Variants in CFAP221 observed in about 807,000 individuals in gnomAD.
The protein encoded by CFAP221 is cilia and flagella associated protein 221.
CFAP221 carries 97 observed loss-of-function variants against 113.1 expected under a neutral mutation model. The observed-to-expected ratio is 0.86, with a 90% CI of 0.73 to 1.02. The LOEUF (loss-of-function observed/expected upper bound fraction) is 1.02, where lower values mean the gene tolerates loss of function less well. Among genes scored for constraint, CFAP221 ranks in the 50% least tolerant of loss-of-function variants. The probability of loss-of-function intolerance (pLI) is 0.00; values close to 1 mark genes in which losing one functional copy is unlikely to be tolerated. For synonymous variants in CFAP221, 331 were observed against 354.4 expected (o/e 0.93, Z 0.74); for missense variants, 1,025 against 1,013.4 (o/e 1.01, Z -0.16).
intron 19 of CFAP221, 62 bp from the exon 20 acceptor site, chr2:119,638,197 G>A: frequency 1.3e-6 from 2 of 1,559,852 alleles, no homozygotes; most frequent in African/African-American, 1.4e-5. Context: ...GCTGATGCCT[G>A]TCCTATGCCT....
chr2:119,638,716 C>A (rs1362982264), intron 20 of CFAP221, among the ~76,000 whole-genome samples: 1 of 152,158 alleles, frequency 6.6e-6, no homozygotes, highest in Non-Finnish European at 1.5e-5. Context: ...AACAGCCACA[C>A]GGTATGCACA....
At chr2:119,588,809 A>T (rs1444950656) in intron 7 of CFAP221, among the ~76,000 whole-genome samples, 1 of 152,274 alleles carries the variant, frequency 6.6e-6, no homozygotes, top group Admixed American at 6.5e-5. Context: ...AGTGCTAGGG[A>T]CATACACTTG....
intron 14 of CFAP221, among the ~76,000 whole-genome samples, chr2:119,620,012 G>A (rs1232065198): frequency 6.6e-6 from 1 of 152,132 alleles, no homozygotes; most frequent in Non-Finnish European, 1.5e-5. Flanking sequence ...TCAACTTGAT[G>A]AAATAAAGCG....
At chr2:119,613,681 C>A (rs1015765930) in intron 13 of CFAP221, among the ~76,000 whole-genome samples, 5 of 152,206 alleles carry the variant, frequency 3.3e-5, no homozygotes, top group African/African-American at 1.2e-4. Context: ...AACCATTTTT[C>A]CCTCCTAGGT....
chr2:119,613,201 G>C (rs1685301052), intron 13 of CFAP221, among the ~76,000 whole-genome samples: 1 of 152,230 alleles, frequency 6.6e-6, no homozygotes, highest in East Asian at 1.9e-4. Flanking sequence ...CTCCCTCCCA[G>C]CTGCTTTCAC....
At chr2:119,547,615 G>A (rs183533944) in intron 2 of CFAP221, among the ~76,000 whole-genome samples, 103 of 152,178 alleles carry the variant, frequency 6.8e-4, no homozygotes, top group African/African-American at 2.4e-3. Context: ...TTAAAATTAC[G>A]GAATATGGTA....
At chr2:119,572,649 C>A in intron 6 of CFAP221, 1 of 682,224 alleles carries the variant, frequency 1.5e-6, no homozygotes. Flanking sequence ...ACCAAGATGA[C>A]TTTAACCAAT....
intron 22 of CFAP221, among the ~76,000 whole-genome samples, chr2:119,651,506 A>C (rs1470308620): frequency 1.3e-5 from 2 of 152,024 alleles, no homozygotes; most frequent in African/African-American, 4.8e-5. Flanking sequence ...AAAAAAAAAA[A>C]AACTAGACTA....
At chr2:119,574,753 A>G (rs1682320946) in intron 6 of CFAP221, among the ~76,000 whole-genome samples, 1 of 152,164 alleles carries the variant, frequency 6.6e-6, no homozygotes, top group Admixed American at 6.5e-5. Context: ...AGTTTCTAGC[A>G]TGTGATTATG....
At chr2:119,645,648 C>T (rs1687759945) in intron 21 of CFAP221, among the ~76,000 whole-genome samples, 1 of 151,942 alleles carries the variant, frequency 6.6e-6, no homozygotes, top group Admixed American at 6.6e-5. Context: ...AATAACAAAA[C>T]AAAGATAAGA....
chr2:119,545,621 C>T (rs1679997330), intron 1 of CFAP221, among the ~76,000 whole-genome samples: 1 of 152,228 alleles, frequency 6.6e-6, no homozygotes, highest in South Asian at 2.1e-4. Flanking sequence ...ATGCCAGTGT[C>T]CTGTAAACAG....
chr2:119,584,989 A>G (rs920393786), intron 6 of CFAP221, among the ~76,000 whole-genome samples: 4 of 152,212 alleles, frequency 2.6e-5, no homozygotes, highest in Non-Finnish European at 4.4e-5. Context: ...ATGCAGTAGG[A>G]TCTTCACTGC....
At chr2:119,645,468 T>A (rs1687747428) in intron 21 of CFAP221, among the ~76,000 whole-genome samples, 1 of 151,088 alleles carries the variant, frequency 6.6e-6, no homozygotes, top group South Asian at 2.1e-4. Flanking sequence ...AAAAGTGGCA[T>A]TCTAGATATG....
At chr2:119,557,481 T>G (rs1680892982) in intron 3 of CFAP221, 1 of 152,186 alleles carries the variant, frequency 6.6e-6, no homozygotes, top group East Asian at 1.9e-4. Flanking sequence ...GGCCCTTGAA[T>G]GTCATTCTAA....
Position 119,625,695 on chromosome 2 carries a change from T to C in CFAP221, c.1516+7T>C, listed in dbSNP as rs776380671. 2 of 1,592,124 alleles carry C rather than the reference T, an allele frequency of 1.3e-6. No homozygotes were observed. Among genetic ancestry groups the C allele is most frequent in the East Asian group, 4.5e-5 (2 of 44,734 alleles). On this transcript the variant is annotated splice_region_variant and intron_variant, in intron 15 of 23. Coordinates refer to ENST00000413369, the MANE Select transcript of CFAP221 (RefSeq NM_001271049.2). ...AAACAATCGATAGCACAAGGTGAAGTATGGCTGCAAAGCACAGAGATGCCG... is the reference window on the plus strand; with the variant it reads ...AAACAATCGATAGCACAAGGTGAAGCATGGCTGCAAAGCACAGAGATGCCG...
intron 6 of CFAP221, among the ~76,000 whole-genome samples, chr2:119,581,176 G>T (rs750226806): frequency 6.6e-6 from 1 of 152,056 alleles, no homozygotes; most frequent in Non-Finnish European, 1.5e-5. Flanking sequence ...CAAAACACAC[G>T]AATAAATCTT....
At chr2:119,618,299 A>G (rs1380560578) in intron 14 of CFAP221, among the ~76,000 whole-genome samples, 2 of 152,210 alleles carry the variant, frequency 1.3e-5, no homozygotes, top group Non-Finnish European at 2.9e-5. Context: ...GGCTGGCAAT[A>G]TGGCTGAATA....
chr2:119,579,053 T>C (rs1472114979), intron 6 of CFAP221, among the ~76,000 whole-genome samples: 1 of 152,092 alleles, frequency 6.6e-6, no homozygotes, highest in Non-Finnish European at 1.5e-5. Context: ...ATTTAAAAGG[T>C]TTGAGTTCAA....
chr2:119,578,824 C>G (rs1248270742), intron 6 of CFAP221, among the ~76,000 whole-genome samples: 4 of 152,154 alleles, frequency 2.6e-5, no homozygotes, highest in African/African-American at 9.7e-5. Context: ...ACCCCCCTCT[C>G]TAGATATCGG....
Sources: gnomAD v4.1 joint callset for allele counts (sites outside exome capture counted in the v4.1 genomes callset) on GRCh38, gnomAD v4.1.1 for gene constraint, MANE v1.5 for transcripts, NCBI Gene and HGNC (gene_info 2026-07-23, HGNC 2026-07-21) for gene names.